The following CSMD1 variants were observed in gnomAD, a reference collection of about 807,000 sequenced individuals.
CSMD1 encodes the protein CUB and Sushi multiple domains 1, also known as CUB and sushi domain-containing protein 1.
CSMD1 carries 213 observed loss-of-function variants against 417.5 expected under a neutral mutation model. The ratio of observed to expected loss-of-function variants is 0.51; its 90% confidence interval spans 0.46 to 0.57. CSMD1 has a LOEUF of 0.57. Ranked by LOEUF, CSMD1 falls within the 20% of genes least tolerant of loss-of-function variation. The pLI, the probability that CSMD1 is intolerant of heterozygous loss-of-function variation, is 0.00. For missense variants in CSMD1, 6,923 were observed against 4,529.7 expected (o/e 1.53, Z -15.17); for synonymous variants, 2,862 against 1,736.8 (o/e 1.65, Z -16.11).
chr8:4,009,482 T>C (rs1816381512), intron 4 of CSMD1, among the ~76,000 whole-genome samples: 1 of 152,154 alleles, frequency 6.6e-6, no homozygotes. Context: ...AACCATAGGG[T>C]CATCAAATGT....
intron 5 of CSMD1, among the ~76,000 whole-genome samples, chr8:3,940,012 TA>T (rs1265114062): frequency 6.6e-5 from 10 of 151,960 alleles, no homozygotes; most frequent in South Asian, 2.1e-4. Context: ...ACTACTGAAA[TA>T]AAAAATAAAT....
chr8:2,956,007 C>G (rs1041563639), intron 63 of CSMD1, among the ~76,000 whole-genome samples: 1 of 151,972 alleles, frequency 6.6e-6, no homozygotes, highest in South Asian at 2.1e-4. Context: ...TCCCAAAGTA[C>G]TGGGATTACA....
intron 17 of CSMD1, among the ~76,000 whole-genome samples, chr8:3,395,193 A>G (rs1021299131): frequency 1.3e-5 from 2 of 152,218 alleles, no homozygotes; most frequent in Non-Finnish European, 2.9e-5. Context: ...GGGTATATGT[A>G]AATTTTAAAA....
chr8:4,803,820 A>G (rs1229667548), intron 1 of CSMD1, among the ~76,000 whole-genome samples: 1 of 152,194 alleles, frequency 6.6e-6, no homozygotes, highest in East Asian at 1.9e-4. Context: ...AGCTCATAGA[A>G]TATCCTTGAC....
chr8:4,538,357 A>G (rs56335600), intron 2 of CSMD1, among the ~76,000 whole-genome samples: 3 of 151,382 alleles, frequency 2.0e-5, no homozygotes, highest in Admixed American at 2.0e-4. Flanking sequence ...TTTTTTTTTT[A>G]AAAGGCTGGG....
intron 1 of CSMD1, among the ~76,000 whole-genome samples, chr8:4,656,886 C>T (rs936948198): frequency 6.6e-6 from 1 of 152,080 alleles, no homozygotes; most frequent in Non-Finnish European, 1.5e-5. Context: ...CCCCCAACAT[C>T]TTATCTGTCC....
intron 3 of CSMD1, among the ~76,000 whole-genome samples, chr8:4,360,639 C>T (rs4875100): frequency 1.2e-4 from 18 of 151,860 alleles, no homozygotes; most frequent in African/African-American, 4.3e-4. Flanking sequence ...ACAGGCTGCC[C>T]GCCACCACAC....
chr8:4,878,170 T>C (rs923774210), intron 1 of CSMD1, among the ~76,000 whole-genome samples: 6 of 152,054 alleles, frequency 3.9e-5, no homozygotes. Context: ...GAATGAGCAG[T>C]TTGTTTTGGA....
chr8:3,375,405 T>C (rs1353350901), intron 18 of CSMD1, among the ~76,000 whole-genome samples: 2 of 152,258 alleles, frequency 1.3e-5, no homozygotes, highest in East Asian at 1.9e-4. Flanking sequence ...TCTCTTTTTT[T>C]CCATCATTTT....
intron 36 of CSMD1, 59 bp downstream of exon 36, chr8:3,187,810 G>T: frequency 8.0e-7 from 1 of 1,252,488 alleles, no homozygotes; most frequent in Non-Finnish European, 1.2e-6. Flanking sequence ...TATTTATGTT[G>T]TTTTCTTGGT....
intron 1 of CSMD1, among the ~76,000 whole-genome samples, chr8:4,900,478 C>G (rs940374394): frequency 6.6e-6 from 1 of 152,150 alleles, no homozygotes; most frequent in African/African-American, 2.4e-5. Context: ...TACCCTTCCC[C>G]TTCACCCTGG....
chr8:4,946,135 G>A (rs1320929198), intron 1 of CSMD1, among the ~76,000 whole-genome samples: 3 of 152,104 alleles, frequency 2.0e-5, no homozygotes, highest in African/African-American at 7.2e-5. Flanking sequence ...GGGTTACAGG[G>A]ATAACTTCAA....
At chr8:4,024,925 G>C (rs1714366612) in intron 4 of CSMD1, among the ~76,000 whole-genome samples, 1 of 150,350 alleles carries the variant, frequency 6.7e-6, no homozygotes, top group South Asian at 2.1e-4. Context: ...GTAAAAAGGT[G>C]GTGTTCAGGT....
chr8:4,890,880 A>G (rs1339834230), intron 1 of CSMD1, among the ~76,000 whole-genome samples: 2 of 152,114 alleles, frequency 1.3e-5, no homozygotes, highest in Admixed American at 1.3e-4. Context: ...ACATGATTTC[A>G]GCCAAACCCC....
chr8:4,500,149 G>A (rs998887316), intron 2 of CSMD1, among the ~76,000 whole-genome samples: 7 of 151,966 alleles, frequency 4.6e-5, no homozygotes, highest in Non-Finnish European at 8.8e-5. Flanking sequence ...GAAGTTATAC[G>A]AGGTGAAAAG....
At chr8:4,293,305 A>G (rs993745114) in intron 3 of CSMD1, among the ~76,000 whole-genome samples, 3 of 152,206 alleles carry the variant, frequency 2.0e-5, no homozygotes, top group Non-Finnish European at 2.9e-5. Context: ...GGCCAGCACA[A>G]TGAGAAACTG....
intron 1 of CSMD1, among the ~76,000 whole-genome samples, chr8:4,739,366 A>T (rs1298627229): frequency 6.6e-6 from 1 of 152,188 alleles, no homozygotes. Flanking sequence ...AAACTTCACA[A>T]ATGTTCAGCT....
intron 1 of CSMD1, among the ~76,000 whole-genome samples, chr8:4,933,553 G>C (rs945249866): frequency 2.0e-5 from 3 of 152,176 alleles, no homozygotes; most frequent in African/African-American, 7.2e-5. Flanking sequence ...TCGAAAAGTA[G>C]CACTTTGATA....
chr8:4,055,237 G>A (rs543668483), intron 3 of CSMD1, among the ~76,000 whole-genome samples: 2 of 152,062 alleles, frequency 1.3e-5, no homozygotes, highest in Admixed American at 6.6e-5. Flanking sequence ...GAGACAATAG[G>A]ATTACTTGCC....
Sources: allele counts gnomAD v4.1 joint callset (sites outside exome capture counted in the v4.1 genomes callset), GRCh38; gene constraint gnomAD v4.1.1; transcripts MANE v1.5; gene names NCBI Gene and HGNC (gene_info 2026-07-23, HGNC 2026-07-21).